The following MDN1 variants were observed in gnomAD, a reference collection of about 807,000 sequenced individuals.
MDN1 encodes midasin AAA ATPase 1.
Under a neutral mutation model 669.2 loss-of-function variants are expected in MDN1, and 266 were observed. The observed-to-expected ratio is 0.40, with a 90% confidence interval of 0.36 to 0.44. The LOEUF (loss-of-function observed/expected upper bound fraction) is 0.44. MDN1 is among the 20% of genes least tolerant of loss of function. The probability of loss-of-function intolerance (pLI) is 1.00; values close to 1 mark genes in which losing one functional copy is unlikely to be tolerated. For missense variants in MDN1, 5,940 were observed against 6,754.0 expected, an observed-to-expected ratio of 0.88 and a Z score of 4.22; for synonymous variants, 2,385 against 2,457.1, an observed-to-expected ratio of 0.97 and a Z score of 0.87.
intron 31 of MDN1, among the ~76,000 whole-genome samples, chr6:89,742,247 T>C (rs933454944): frequency 7.9e-5 from 12 of 152,122 alleles, no homozygotes; most frequent in African/African-American, 2.7e-4. Context: ...ACCCCATCTC[T>C]ACTAAAAATG....
chr6:89,788,110 C>T (rs368453291), intron 7 of MDN1, among the ~76,000 whole-genome samples, 153 bp from the exon 8 acceptor site: 2 of 152,186 alleles, frequency 1.3e-5, no homozygotes, highest in Non-Finnish European at 2.9e-5. Flanking sequence ...CAGGTGGGAA[C>T]GTCTGAATCA....
intron 7 of MDN1, 33 bp from the exon 8 acceptor site, chr6:89,787,990 G>A (rs969002578): frequency 6.6e-7 from 1 of 1,521,076 alleles, no homozygotes; most frequent in Non-Finnish European, 9.1e-7. Context: ...CACTGATAAA[G>A]TAAAGCTATT....
At chr6:89,686,022 C>A in intron 69 of MDN1, 49 bp from the exon 70 acceptor site, 1 of 1,573,798 alleles carries the variant, frequency 6.4e-7, no homozygotes, top group South Asian at 1.2e-5. Context: ...GACCATGACT[C>A]CCTATTCCTA....
In MDN1 at chr6:89,674,508, A is replaced by G; in HGVS notation, c.12843T>C (p.Asp4281=). The G allele has an allele frequency of 1.2e-6, 2 of 1,610,784 alleles. No individual in the cohort carries two copies. The highest frequency in any genetic ancestry group is 1.7e-6 in the Non-Finnish European group (2 of 1,179,802). The change falls in exon 79 of 102, where the codon GAT becomes GAC. Residue 4281 remains aspartate, a synonymous_variant. Coordinates refer to ENST00000369393, the MANE Select transcript of MDN1 (RefSeq NM_014611.3). ...QAYPVAFPPQ[D]GVQQWTERLQ... ...GGCGCTCTGTCCACTGCTGCACGCCATCCTGAGGGGGGAAGGCCACGGGGT... is the reference window on the plus strand; with the variant it reads ...GGCGCTCTGTCCACTGCTGCACGCCGTCCTGAGGGGGGAAGGCCACGGGGT...
chr6:89,665,777 C>T (rs1379465966), intron 84 of MDN1, among the ~76,000 whole-genome samples: 4 of 148,688 alleles, frequency 2.7e-5, no homozygotes, highest in Non-Finnish European at 4.5e-5. Context: ...TGGTGGTTCA[C>T]GCCTATAATC....
rs540724750 is a variant in MDN1 at position 89,799,114 on chromosome 6, T to C, written c.329+4214A>G. 4.6e-5 allele frequency among the ~76,000 whole-genome samples: 7 copies of C among 152,368 alleles called. No individual in the cohort carries two copies. The East Asian group carries it at 9.6e-4, about 21-fold the overall frequency. On this transcript the variant is annotated intron_variant, in intron 2 of 101. Coordinates refer to ENST00000369393, the MANE Select transcript of MDN1 (RefSeq NM_014611.3). ...ACTAAAATGTGTAACAGCAACTATT[T>C]TGGTCCCTCATTCTGCTGTATGGCC... is the stretch of plus-strand genomic sequence containing the variant.
At chr6:89,704,149 C>G (rs182608433) in intron 53 of MDN1, among the ~76,000 whole-genome samples, 396 of 151,762 alleles carry the variant, frequency 2.6e-3, no homozygotes, top group African/African-American at 9.1e-3. Flanking sequence ...CGGAGGTTGA[C>G]GCAGGTGGAT....
At chr6:89,694,000 C>T in intron 62 of MDN1, 74 bp downstream of exon 62, 2 of 1,214,590 alleles carry the variant, frequency 1.6e-6, no homozygotes, top group Non-Finnish European at 2.4e-6. Flanking sequence ...ATCACTTCTA[C>T]TCACACCATA....
At chr6:89,739,848 G>T (rs1322978667) in intron 32 of MDN1, among the ~76,000 whole-genome samples, 1 of 152,176 alleles carries the variant, frequency 6.6e-6, no homozygotes, top group Admixed American at 6.6e-5. Context: ...GAAAGCAGAG[G>T]TGTGTTTAAG....
At chr6:89,805,374 G>A (rs984397824) in intron 1 of MDN1, among the ~76,000 whole-genome samples, 7 of 151,964 alleles carry the variant, frequency 4.6e-5, no homozygotes, top group African/African-American at 1.5e-4. Flanking sequence ...AAACCCCATC[G>A]CTACAAAAAA....
intron 29 of MDN1, among the ~76,000 whole-genome samples, chr6:89,744,044 G>A (rs1816437295): frequency 6.7e-6 from 1 of 149,234 alleles, no homozygotes. Flanking sequence ...CGGAGGTTGT[G>A]GTGAGCCGAG....
Position 89,723,143 on chromosome 6 carries a change from T to C in MDN1, c.5779A>G (p.Ile1927Val). The change falls in exon 40 of 102, where the codon ATT (isoleucine) becomes GTT (valine). Residue 1927 changes from isoleucine to valine, a missense_variant and splice_region_variant. Transcript: ENST00000369393. ...VKKMVAFNNQ[I>V]DHEVTVEKKW... Reference sequence around the variant, plus strand: ...TTCTCAACAGTCACTTCATGATCAATCTAGAAAGAAAACATCCTGATTGGG... The same window carrying C: ...TTCTCAACAGTCACTTCATGATCAACCTAGAAAGAAAACATCCTGATTGGG... 2 of 1,613,698 alleles carry C rather than the reference T, an allele frequency of 1.2e-6. No homozygotes were observed. The highest frequency in any genetic ancestry group is 1.7e-6 in the Non-Finnish European group (2 of 1,179,792).
intron 66 of MDN1, 78 bp downstream of exon 66, chr6:89,688,495 C>T: frequency 1.5e-6 from 2 of 1,335,210 alleles, no homozygotes; most frequent in South Asian, 1.4e-5. Context: ...AAGTGGGTGC[C>T]CCCAGGGATA....
At chr6:89,794,849 C>G (rs1819494289) in intron 2 of MDN1, 48 bp from the exon 3 acceptor site, 1 of 1,492,248 alleles carries the variant, frequency 6.7e-7, no homozygotes, top group Non-Finnish European at 9.3e-7. Flanking sequence ...AATGGTTGGA[C>G]TTAATTTTTC....
At chr6:89,644,986 A>C (rs944528647) in intron 101 of MDN1, 29 bp downstream of exon 101, 1 of 1,569,942 alleles carries the variant, frequency 6.4e-7, no homozygotes, top group African/African-American at 1.3e-5. Context: ...CTTTACCTCC[A>C]GAAAAGGTGG....
chr6:89,819,251 G>A (rs975303578), intron 1 of MDN1, among the ~76,000 whole-genome samples: 2 of 152,290 alleles, frequency 1.3e-5, no homozygotes, highest in Middle Eastern at 3.4e-3. Flanking sequence ...CAGCCAAAGC[G>A]CTTGCATAGG....
At chr6:89,698,327 A>G (rs1812910183) in intron 59 of MDN1, among the ~76,000 whole-genome samples, 4 of 152,256 alleles carry the variant, frequency 2.6e-5, no homozygotes, top group Admixed American at 2.6e-4. Context: ...TCAATGTGGC[A>G]TGCTTATTAT....
chr6:89,768,740 C>G (rs148433694), intron 15 of MDN1, among the ~76,000 whole-genome samples: 65 of 151,590 alleles, frequency 4.3e-4, no homozygotes, highest in Admixed American at 5.3e-4. Context: ...CTGTCCCCCC[C>G]CAAAAAAAGA....
rs1339629249 is a variant in MDN1 at position 89,758,878 on chromosome 6, C to T, written c.2543G>A (p.Cys848Tyr). Residue 848 changes from cysteine to tyrosine, a missense_variant, in exon 18 of 102, where the codon TGT (cysteine) becomes TAT (tyrosine). By Grantham distance (194) the Cys-to-Tyr change is radical. Transcript: ENST00000369393. ...INLAAPEILECLSGLLEGSSG... is the reference protein window; with the variant it reads ...INLAAPEILEYLSGLLEGSSG... ...AGATCCTTCAAGCAAACCACTCAGA[C>T]ATTCTAGTATTTCTGGAGCAGCCAA... The T allele has an allele frequency of 6.2e-7, 1 of 1,614,130 alleles. No individual in the cohort carries two copies. The highest frequency in any genetic ancestry group is 1.1e-5 in the South Asian group (1 of 91,082).
Sources: gnomAD v4.1 joint callset for allele counts (sites outside exome capture counted in the v4.1 genomes callset) on GRCh38, gnomAD v4.1.1 for gene constraint, MANE v1.5 for transcripts, NCBI Gene and HGNC (gene_info 2026-07-23, HGNC 2026-07-21) for gene names.